ARHGAP10: variants seen among roughly 807,000 people sequenced by gnomAD.
The protein encoded by ARHGAP10 is rho GTPase-activating protein 10.
In ARHGAP10, 87 loss-of-function variants were observed where a neutral mutation model predicts 108.6. The ratio of observed to expected loss-of-function variants is 0.80; its 90% CI spans 0.67 to 0.96. The LOEUF (loss-of-function observed/expected upper bound fraction) is 0.96, where lower values mean the gene tolerates loss of function less well. ARHGAP10 is among the 40% of genes least tolerant of loss of function. The pLI is 0.00. For missense variants in ARHGAP10, 939 were observed against 954.5 expected (o/e 0.98, Z 0.21); for synonymous variants, 347 against 341.1 (o/e 1.02, Z -0.19).
intron 13 of ARHGAP10, among the ~76,000 whole-genome samples, chr4:147,928,497 A>G (rs1263991428): frequency 6.6e-6 from 1 of 152,222 alleles, no homozygotes; most frequent in Non-Finnish European, 1.5e-5. Context: ...ATGCGTTTAC[A>G]CAAAGAGTAG....
chr4:148,031,802 G>A (rs760612955), intron 19 of ARHGAP10, among the ~76,000 whole-genome samples: 5 of 152,184 alleles, frequency 3.3e-5, no homozygotes, highest in Non-Finnish European at 7.3e-5. Context: ...ATAAAACACT[G>A]TAACAAGCAT....
chr4:148,002,929 A>T (rs1740787684), intron 18 of ARHGAP10, among the ~76,000 whole-genome samples: 1 of 151,694 alleles, frequency 6.6e-6, no homozygotes, highest in Admixed American at 6.6e-5. Flanking sequence ...TTCTGCTCTG[A>T]TCTTAGTTAT....
At chr4:147,772,659 G>T (rs1330264132) in intron 1 of ARHGAP10, among the ~76,000 whole-genome samples, 1 of 152,170 alleles carries the variant, frequency 6.6e-6, no homozygotes, top group African/African-American at 2.4e-5. Flanking sequence ...AAAATCCTAG[G>T]GTATAAACGG....
intron 4 of ARHGAP10, among the ~76,000 whole-genome samples, chr4:147,850,869 A>G (rs1309508989): frequency 1.3e-5 from 2 of 152,198 alleles, no homozygotes; most frequent in East Asian, 3.8e-4. Flanking sequence ...CAAATGTCCC[A>G]CAGGACTTTG....
chr4:147,959,556 C>T (rs1738917614), intron 16 of ARHGAP10, among the ~76,000 whole-genome samples: 1 of 152,022 alleles, frequency 6.6e-6, no homozygotes, highest in Non-Finnish European at 1.5e-5. Flanking sequence ...TGTGATGTTC[C>T]CCTTCCTGTG....
At chr4:147,791,108 T>C (rs970881349) in intron 1 of ARHGAP10, among the ~76,000 whole-genome samples, 4 of 151,080 alleles carry the variant, frequency 2.6e-5, no homozygotes, top group Non-Finnish European at 4.4e-5. Context: ...GTACATATTC[T>C]TTACTTTTTT....
intron 18 of ARHGAP10, among the ~76,000 whole-genome samples, chr4:148,000,771 GTTGT>G (rs1232011720): frequency 2.0e-5 from 3 of 152,154 alleles, no homozygotes; most frequent in Non-Finnish European, 2.9e-5. Context: ...TTGTGATGGG[GTTGT>G]TTGTTTTTTT....
intron 4 of ARHGAP10, among the ~76,000 whole-genome samples, chr4:147,853,768 T>C (rs901906983): frequency 1.2e-4 from 18 of 152,260 alleles, no homozygotes; most frequent in Middle Eastern, 3.4e-3. Context: ...CAAGTTCTTA[T>C]GGCTTCTTTC....
intron 13 of ARHGAP10, among the ~76,000 whole-genome samples, chr4:147,921,098 C>T (rs950091049): frequency 3.3e-5 from 5 of 152,134 alleles, no homozygotes; most frequent in Non-Finnish European, 5.9e-5. Flanking sequence ...TATTTATAAG[C>T]GAGGTAACTG....
At chr4:148,055,487 G>C (rs1410822633) in intron 20 of ARHGAP10, among the ~76,000 whole-genome samples, 1 of 152,122 alleles carries the variant, frequency 6.6e-6, no homozygotes, top group Non-Finnish European at 1.5e-5. Context: ...TCAGGAGTTC[G>C]AGAGCAGCCT....
intron 16 of ARHGAP10, among the ~76,000 whole-genome samples, chr4:147,962,913 G>A (rs751980405): frequency 2.0e-5 from 3 of 152,000 alleles, no homozygotes; most frequent in East Asian, 3.9e-4. Flanking sequence ...TGCCTGCCTC[G>A]GCCTCCCAAA....
At chr4:147,823,009 A>AC in intron 3 of ARHGAP10, 52 bp downstream of exon 3, 1 of 1,542,428 alleles carries the variant, frequency 6.5e-7, no homozygotes, top group Non-Finnish European at 9.0e-7. Flanking sequence ...GGGGAAAAAA[A>AC]TCTGGATTTG....
At chr4:147,957,638 T>C (rs1028599115) in intron 16 of ARHGAP10, among the ~76,000 whole-genome samples, 4 of 152,204 alleles carry the variant, frequency 2.6e-5, no homozygotes, top group African/African-American at 9.6e-5. Context: ...TTCTCAGTCA[T>C]GTGCAGTGGT....
chr4:147,857,520 T>C (rs776738208), intron 4 of ARHGAP10, 33 bp from the exon 5 acceptor site: 88 of 1,418,670 alleles, frequency 6.2e-5, no homozygotes, highest in Non-Finnish European at 7.8e-5. Context: ...TCCTTTTGTT[T>C]CTGTTTAATC....
chr4:147,955,446 TG>T (rs1345129076), intron 16 of ARHGAP10, 72 bp downstream of exon 16: 49 of 1,361,800 alleles, frequency 3.6e-5, no homozygotes, highest in Non-Finnish European at 4.6e-5. Flanking sequence ...AATTTCCATA[TG>T]AAAAATTCAA....
intron 1 of ARHGAP10, among the ~76,000 whole-genome samples, chr4:147,808,053 G>T (rs1294457638): frequency 1.3e-5 from 2 of 152,180 alleles, no homozygotes; most frequent in Non-Finnish European, 2.9e-5. Context: ...ATGTCTTTTT[G>T]TGGTCTTTTC....
intron 19 of ARHGAP10, among the ~76,000 whole-genome samples, chr4:148,040,349 T>G (rs766962743): frequency 5.9e-5 from 9 of 152,114 alleles, no homozygotes; most frequent in Non-Finnish European, 1.3e-4. Context: ...TTGTTTTTTG[T>G]TTTTTGTTTT....
At chr4:147,949,004 C>T (rs532693637) in intron 15 of ARHGAP10, among the ~76,000 whole-genome samples, 32 of 151,550 alleles carry the variant, frequency 2.1e-4, no homozygotes, top group Non-Finnish European at 4.0e-4. Flanking sequence ...AAAACAGAAT[C>T]CATTGTAGTG....
chr4:147,832,341 A>ATT (rs200856201), intron 3 of ARHGAP10, among the ~76,000 whole-genome samples: 2 of 147,684 alleles, frequency 1.4e-5, no homozygotes, highest in Admixed American at 6.8e-5. Flanking sequence ...TGACCACTTA[A>ATT]TTTTTTTTTT....
Sources: allele counts gnomAD v4.1 joint callset (sites outside exome capture counted in the v4.1 genomes callset), GRCh38; gene constraint gnomAD v4.1.1; transcripts MANE v1.5; gene names NCBI Gene and HGNC (gene_info 2026-07-23, HGNC 2026-07-21).